The following ITIH5 variants were observed in gnomAD, a reference collection of about 807,000 sequenced individuals.
ITIH5 encodes inter-alpha-trypsin inhibitor heavy chain H5.
A neutral mutation model predicts 77.5 loss-of-function variants in ITIH5; 65 were observed. The ratio of observed to expected loss-of-function variants is 0.84; its 90% CI spans 0.69 to 1.03. The LOEUF is 1.03. ITIH5 is among the 50% of genes least tolerant of loss of function. ITIH5 has a pLI of 0.00. For synonymous variants in ITIH5, 525 were observed against 494.3 expected (o/e 1.06, Z -0.82); for missense variants, 1,208 against 1,213.1 (o/e 1.00, Z 0.06).
Position 7,597,063 on chromosome 10 carries a change from A to AAAAAAAAAAAAT in ITIH5, c.940-10995_940-10994insATTTTTTTTTTT, listed in dbSNP as rs750714870. 1.7e-4 allele frequency among the ~76,000 whole-genome samples: 24 copies of AAAAAAAAAAAAT among 142,636 alleles called. 2 individuals are homozygous for AAAAAAAAAAAAT. The highest frequency in any genetic ancestry group is 4.3e-4 in the South Asian group (2 of 4,642). 93.6% of individuals were successfully genotyped at this position (142,636 alleles called of 152,430 possible). A position where few individuals can be genotyped will look rare whatever the true frequency, so the allele number is the denominator to read the frequency against. ...CCAACTCAAAAAAAAAAAAAAAAAAAATTCCACCAAAGAAATCAAAGACCT... is the reference window on the plus strand; with the variant it reads ...CCAACTCAAAAAAAAAAAAAAAAAAAAAAAAAAAAAATATTCCACCAAAGAAATCAAAGACCT... On this transcript the variant is annotated intron_variant, in intron 7 of 13. Coordinates refer to ENST00000397146, the MANE Select transcript of ITIH5 (RefSeq NM_030569.7).
intron 7 of ITIH5, among the ~76,000 whole-genome samples, chr10:7,595,300 T>G (rs1359804302): frequency 6.6e-6 from 1 of 151,844 alleles, no homozygotes; most frequent in Non-Finnish European, 1.5e-5. Flanking sequence ...AGGGAGATTT[T>G]GAAAATCGCG....
At chr10:7,597,706 T>C (rs1187108183) in intron 7 of ITIH5, among the ~76,000 whole-genome samples, 1 of 152,202 alleles carries the variant, frequency 6.6e-6, no homozygotes, top group Non-Finnish European at 1.5e-5. Context: ...AGAGTAGCCA[T>C]GACTTGCCAA....
chr10:7,599,776 C>A (rs1832978727), intron 7 of ITIH5, among the ~76,000 whole-genome samples: 1 of 152,164 alleles, frequency 6.6e-6, no homozygotes, highest in Non-Finnish European at 1.5e-5. Context: ...GAAGTAAACA[C>A]AGCATATCCA....
In ITIH5 at chr10:7,597,096, G is replaced by A. The variant is rs536147552; in HGVS notation, c.940-11027C>T. Among the ~76,000 whole-genome samples, 126 of 107,616 alleles carry A rather than the reference G, an allele frequency of 1.2e-3. 1 individual carries two copies. The highest frequency in any genetic ancestry group is 3.7e-3 in the African/African-American group (123 of 33,282). The allele number at this position is 107,616 out of a possible 152,430, so 70.6% of individuals were successfully genotyped here. A position where few individuals can be genotyped will look rare whatever the true frequency, so the allele number is the denominator to read the frequency against. ...CAAAGAAATCAAAGACCTTCTAAAAGCCTGATTTGAGCCATGGAAGAGAAT... is the reference window on the plus strand; with the variant it reads ...CAAAGAAATCAAAGACCTTCTAAAAACCTGATTTGAGCCATGGAAGAGAAT... On this transcript the variant is annotated intron_variant, in intron 7 of 13. Transcript: ENST00000397146.
intron 4 of ITIH5, 93 bp downstream of exon 4, chr10:7,640,661 G>C: frequency 6.7e-6 from 5 of 740,940 alleles, no homozygotes; most frequent in Non-Finnish European, 1.2e-5. Flanking sequence ...GTATTTGGAG[G>C]AAAGGAAGAC....
At chr10:7,587,604 G>A (rs949060047) in intron 7 of ITIH5, among the ~76,000 whole-genome samples, 1 of 152,170 alleles carries the variant, frequency 6.6e-6, no homozygotes, top group Non-Finnish European at 1.5e-5. Flanking sequence ...AATCAGGACA[G>A]TAATAGTACC....
At chr10:7,595,329 G>A (rs1405944794) in intron 7 of ITIH5, among the ~76,000 whole-genome samples, 1 of 115,146 alleles carries the variant, frequency 8.7e-6, no homozygotes, top group African/African-American at 2.8e-5. Flanking sequence ...GATACACTTA[G>A]TAAACGGAAA....
Position 7,566,250 on chromosome 10 carries a change from G to T in ITIH5, c.2307C>A (p.Asp769Glu). The change falls in exon 13 of 14, where the codon GAC becomes GAA. Residue 769 changes from aspartate to glutamate, a missense_variant. Asp to Glu is a conservative substitution (Grantham distance 45). Coordinates refer to ENST00000397146, the MANE Select transcript of ITIH5 (RefSeq NM_030569.7). ...TCTGGTTGCAGGGGAGCACCAGTCT[G>T]TCCCCACCATCCAAGATGACTCTGC... The part of the protein sequence containing the change: ...TPSRVILDGG[D>E]RLVLPCNQSV... The T allele has an allele frequency of 6.2e-7, 1 of 1,613,432 alleles. No homozygotes were observed. The highest frequency in any genetic ancestry group is 1.1e-5 in the South Asian group (1 of 90,938).
intron 7 of ITIH5, among the ~76,000 whole-genome samples, chr10:7,613,943 C>T (rs886339195): frequency 5.9e-5 from 9 of 152,114 alleles, no homozygotes; most frequent in African/African-American, 1.9e-4. Context: ...GATTTTTATT[C>T]CCCCAGAGAT....
intron 13 of ITIH5, among the ~76,000 whole-genome samples, chr10:7,564,247 G>C (rs1307412126): frequency 6.6e-6 from 1 of 152,192 alleles, no homozygotes; most frequent in Non-Finnish European, 1.5e-5. Flanking sequence ...CCCATTCCTA[G>C]CTCACAAAGC....
Position 7,633,035 on chromosome 10 carries a change from G to A in ITIH5, c.652+4193C>T, listed in dbSNP as rs1454180712. On this transcript the variant is annotated intron_variant, in intron 5 of 13. Coordinates refer to ENST00000397146, the MANE Select transcript of ITIH5 (RefSeq NM_030569.7). ...ATCACACAGTGGGAATATCTGTCTC[G>A]GAATACCAATGAGAATATACCTTCA... Among the ~76,000 whole-genome samples the A allele has an allele frequency of 3.9e-5, 6 of 152,230 alleles. No individual in the cohort carries two copies. The East Asian group carries it at 1.2e-3, about 29-fold the overall frequency.
At chr10:7,653,523 A>G (rs1834133884) in intron 2 of ITIH5, among the ~76,000 whole-genome samples, 1 of 152,218 alleles carries the variant, frequency 6.6e-6, no homozygotes. Context: ...TAAAATGTAT[A>G]TGCAGTTTGA....
intron 1 of ITIH5, among the ~76,000 whole-genome samples, chr10:7,662,324 T>C (rs1308621241): frequency 1.3e-5 from 2 of 151,280 alleles, no homozygotes; most frequent in Non-Finnish European, 1.5e-5. Context: ...GCCACTGCGC[T>C]CCAGCCTGGG....
At chr10:7,600,827 G>T (rs1832999969) in intron 7 of ITIH5, among the ~76,000 whole-genome samples, 1 of 152,178 alleles carries the variant, frequency 6.6e-6, no homozygotes, top group Admixed American at 6.5e-5. Flanking sequence ...GAGCTAGCTA[G>T]CTACTCCCTT....
intron 5 of ITIH5, among the ~76,000 whole-genome samples, chr10:7,623,350 G>A (rs907486259): frequency 2.0e-5 from 3 of 152,170 alleles, no homozygotes; most frequent in South Asian, 2.1e-4. Context: ...GGGATCCAAC[G>A]AGGCAATTTC....
chr10:7,616,515 G>T (rs934732580), intron 6 of ITIH5, among the ~76,000 whole-genome samples: 10 of 152,124 alleles, frequency 6.6e-5, no homozygotes, highest in African/African-American at 2.4e-4. Context: ...AAAGGGAAAT[G>T]AGCAGCCTCT....
intron 7 of ITIH5, among the ~76,000 whole-genome samples, chr10:7,614,403 T>A (rs1161126863): frequency 1.3e-5 from 2 of 152,242 alleles, no homozygotes; most frequent in Non-Finnish European, 2.9e-5. Flanking sequence ...ACAGGCCACA[T>A]GCAGCTCAGG....
intron 5 of ITIH5, chr10:7,619,758 C>G (rs1407838892): frequency 5.6e-6 from 1 of 177,062 alleles, no homozygotes; most frequent in Non-Finnish European, 1.3e-5. Flanking sequence ...GGGGGAAATT[C>G]ACCTCCATGG....
At chr10:7,624,180 GC>G in intron 5 of ITIH5, among the ~76,000 whole-genome samples, 1 of 152,252 alleles carries the variant, frequency 6.6e-6, no homozygotes, top group East Asian at 1.9e-4. Context: ...ACCTCACCCA[GC>G]AAGCACACTT....
Sources: gnomAD v4.1 joint callset for allele counts (sites outside exome capture counted in the v4.1 genomes callset) on GRCh38, gnomAD v4.1.1 for gene constraint, MANE v1.5 for transcripts, NCBI Gene and HGNC (gene_info 2026-07-23, HGNC 2026-07-21) for gene names.